SLC35A1: variants seen among roughly 807,000 people sequenced by gnomAD.
SLC35A1 encodes the protein solute carrier family 35 member A1.
SLC35A1 carries 21 observed loss-of-function variants against 40.3 expected under a neutral mutation model. The ratio of observed to expected loss-of-function variants is 0.52; its 90% confidence interval spans 0.37 to 0.75. SLC35A1 has a LOEUF of 0.75. Ranked by LOEUF, SLC35A1 falls within the 30% of genes least tolerant of loss-of-function variation. The pLI is 0.00. For synonymous variants in SLC35A1, 146 were observed against 147.3 expected, an observed-to-expected ratio of 0.99 and a Z score of 0.06; for missense variants, 297 against 382.1, an observed-to-expected ratio of 0.78 and a Z score of 1.86.
At chr6:87,506,337 CTGTT>C (rs768107557) in intron 4 of SLC35A1, 41 bp from the exon 5 acceptor site, 4 of 1,458,924 alleles carry the variant, frequency 2.7e-6, no homozygotes, top group East Asian at 2.3e-5. Flanking sequence ...TGGATGAACT[CTGTT>C]TATTAGTCAC....
At chr6:87,482,338 A>G (rs1224532476) in intron 2 of SLC35A1, among the ~76,000 whole-genome samples, 1 of 150,758 alleles carries the variant, frequency 6.6e-6, no homozygotes, top group African/African-American at 2.4e-5. Context: ...CAAGATTAGA[A>G]GTTAGGATAA....
chr6:87,493,434 G>A (rs1769617991), intron 2 of SLC35A1, among the ~76,000 whole-genome samples: 1 of 151,414 alleles, frequency 6.6e-6, no homozygotes, highest in Admixed American at 6.6e-5. Context: ...ATATGCATGT[G>A]TATGCATAGA....
rs1426753688 is a variant in SLC35A1 at position 87,501,302 on chromosome 6, A to C, written c.499A>C (p.Lys167Gln). Residue 167 changes from lysine to glutamine, a missense_variant, in exon 4 of 8, where the codon AAA (lysine) becomes CAA (glutamine). By Grantham distance (53) the Lys-to-Gln change is moderately conservative (BLOSUM62 1). Transcript: ENST00000369552. ...ACAGTGGAAACCAGCCCAAGCTACA[A>C]AAGTGGTGGTAAGAAACAAAATGCA... Reference protein sequence around the residue: ...LVQWKPAQATKVVVEQNPLLG... With the variant: ...LVQWKPAQATQVVVEQNPLLG... 2.5e-6 allele frequency: 4 copies of C among 1,613,784 alleles called. No homozygotes were observed. The South Asian group carries it at 4.4e-5, about 18-fold the overall frequency.
At chr6:87,480,574 T>C (rs1383364077) in intron 2 of SLC35A1, among the ~76,000 whole-genome samples, 1 of 152,208 alleles carries the variant, frequency 6.6e-6, no homozygotes, top group Non-Finnish European at 1.5e-5. Context: ...CATAGTTTTA[T>C]TTCGTAGGTT....
At position 87,512,251 on chromosome 6, in the gene SLC35A1, TG is replaced by T. The variant is rs1770311229; in HGVS notation, c.*726del. ...CTTTTTTAAATAAAGTATGTTTAAC[TG>T]TTGGGCTCTCAATAATTTGTGAAAT... On this transcript the variant is annotated 3_prime_UTR_variant, in exon 8 of 8. Coordinates refer to ENST00000369552, the MANE Select transcript of SLC35A1 (RefSeq NM_006416.5). The T allele has an allele frequency of 6.5e-6, 1 of 152,746 alleles. No homozygotes were observed. Among genetic ancestry groups the T allele is most frequent in the Non-Finnish European group, 1.5e-5 (1 of 68,104 alleles). The allele number at this position is 152,746 out of a possible 1,614,324, so 9.5% of individuals were successfully genotyped here. A position where few individuals can be genotyped will look rare whatever the true frequency, so the allele number is the denominator to read the frequency against.
At chr6:87,491,886 A>G (rs917756316) in intron 2 of SLC35A1, among the ~76,000 whole-genome samples, 1 of 152,178 alleles carries the variant, frequency 6.6e-6, no homozygotes, top group African/African-American at 2.4e-5. Flanking sequence ...CACTAAACCT[A>G]AGACCCTTCT....
At chr6:87,485,797 G>A (rs1175135857) in intron 2 of SLC35A1, among the ~76,000 whole-genome samples, 1 of 151,988 alleles carries the variant, frequency 6.6e-6, no homozygotes. Flanking sequence ...CTTAGATCCT[G>A]ATGATTAAAA....
At chr6:87,503,670 C>G (rs1032195132) in intron 4 of SLC35A1, among the ~76,000 whole-genome samples, 50 of 152,202 alleles carry the variant, frequency 3.3e-4, no homozygotes, top group African/African-American at 1.1e-3. Flanking sequence ...CGAGATCGCG[C>G]CACTGCACAC....
Position 87,500,529 on chromosome 6 carries a change from A to C in SLC35A1, c.216A>C (p.Arg72Ser). The C allele has an allele frequency of 1.9e-6, 3 of 1,614,074 alleles. No individual in the cohort carries two copies. Among genetic ancestry groups the C allele is most frequent in the Non-Finnish European group, 2.5e-6 (3 of 1,179,992 alleles). Residue 72 changes from arginine (R) to serine (S), a missense_variant, in exon 3 of 8, where the codon AGA becomes AGC. Arg to Ser is a moderately radical substitution (Grantham distance 110, BLOSUM62 -1). Coordinates refer to ENST00000369552, the MANE Select transcript of SLC35A1 (RefSeq NM_006416.5). ...ILAKETGSLG[R>S]FKASLRENVL... ...AAAGAGAAACTGGTAGTCTGGGTAG[A>C]TTCAAAGCATCTTTAAGAGAAAATG...
chr6:87,497,894 GTT>G (rs11304517), intron 2 of SLC35A1, among the ~76,000 whole-genome samples: 64 of 142,980 alleles, frequency 4.5e-4, no homozygotes, highest in Admixed American at 4.2e-4. Context: ...ACTCCTGGCA[GTT>G]TTTTTTTTTT....
At chr6:87,504,310 A>T (rs1770014937) in intron 4 of SLC35A1, among the ~76,000 whole-genome samples, 1 of 150,782 alleles carries the variant, frequency 6.6e-6, no homozygotes, top group African/African-American at 2.4e-5. Flanking sequence ...GCCTTACAGG[A>T]TTTTTTGCAA....
At chr6:87,474,570 A>G (rs1190059021) in intron 1 of SLC35A1, among the ~76,000 whole-genome samples, 4 of 152,204 alleles carry the variant, frequency 2.6e-5, no homozygotes, top group Admixed American at 1.3e-4. Context: ...AAGTGATTAC[A>G]TATGGACTTT....
At chr6:87,492,708 C>A (rs181011759) in intron 2 of SLC35A1, among the ~76,000 whole-genome samples, 22 of 152,110 alleles carry the variant, frequency 1.4e-4, no homozygotes, top group Admixed American at 1.4e-3. Context: ...CACCACCACA[C>A]CCGGCTAATT....
In SLC35A1 at chr6:87,511,924, G is replaced by A. The variant is rs1401218963; in HGVS notation, c.*398G>A. 6.2e-5 allele frequency: 16 copies of A among 257,660 alleles called. No homozygotes were observed. Among genetic ancestry groups the A allele is most frequent in the South Asian group, 5.0e-4 (11 of 21,796 alleles). 16.0% of individuals were successfully genotyped at this position (257,660 alleles called of 1,614,324 possible). On this transcript the variant is annotated 3_prime_UTR_variant, in exon 8 of 8. Coordinates refer to ENST00000369552, the MANE Select transcript of SLC35A1 (RefSeq NM_006416.5). ...CTAACTGTTCTCTTGTTCCGGTACC[G>A]GGGAGAAGGATGACCCCTCCTTATT...
rs775834870 is a variant in SLC35A1, at chr6:87,509,101, T to C, written c.812T>C (p.Met271Thr). 3 of 1,614,182 alleles carry C rather than the reference T, an allele frequency of 1.9e-6. No individual in the cohort carries two copies. Among genetic ancestry groups the C allele is most frequent in the Non-Finnish European group, 2.5e-6 (3 of 1,179,984 alleles). The stretch of plus-strand genomic sequence containing the variant: ...GTGGTTAAGTACACAGACAACATCA[T>C]GAAAGGCTTTTCTGCAGCAGCGGCC... Reference protein sequence around the residue: ...SVVVKYTDNIMKGFSAAAAIV... With the variant: ...SVVVKYTDNITKGFSAAAAIV... The change falls in exon 7 of 8, where the codon ATG (methionine) becomes ACG (threonine). Residue 271 changes from methionine to threonine, a missense_variant. Coordinates refer to ENST00000369552, the MANE Select transcript of SLC35A1 (RefSeq NM_006416.5).
intron 6 of SLC35A1, 121 bp downstream of exon 6, chr6:87,508,717 G>T: frequency 1.1e-6 from 1 of 922,492 alleles, no homozygotes; most frequent in Non-Finnish European, 1.6e-6. Context: ...ATACCAGTTT[G>T]AATATAATTT....
intron 7 of SLC35A1, among the ~76,000 whole-genome samples, chr6:87,509,611 C>CA (rs1770191759): frequency 6.6e-6 from 1 of 152,182 alleles, no homozygotes; most frequent in African/African-American, 2.4e-5. Flanking sequence ...AGTCCTCCCT[C>CA]AGCTTGTACT....
intron 1 of SLC35A1, among the ~76,000 whole-genome samples, chr6:87,474,261 A>G (rs1173256923): frequency 2.0e-5 from 3 of 152,254 alleles, no homozygotes; most frequent in Non-Finnish European, 4.4e-5. Context: ...TAACAAAACT[A>G]CAGTTTCCAT....
chr6:87,492,835 C>T (rs1227080242), intron 2 of SLC35A1, among the ~76,000 whole-genome samples: 2 of 152,138 alleles, frequency 1.3e-5, no homozygotes, highest in South Asian at 2.1e-4. Flanking sequence ...CAGGTGCGAG[C>T]CACCACACCT....
Sources: gnomAD v4.1 joint callset for allele counts (sites outside exome capture counted in the v4.1 genomes callset) on GRCh38, gnomAD v4.1.1 for gene constraint, MANE v1.5 for transcripts, NCBI Gene and HGNC (gene_info 2026-07-23, HGNC 2026-07-21) for gene names.